Variants in RBM46 observed in about 807,000 individuals in gnomAD.
The protein encoded by RBM46 is probable RNA-binding protein 46.
In RBM46, 12 loss-of-function variants were observed where a neutral mutation model predicts 43.3. That is an observed-to-expected ratio of 0.28 (90% confidence interval 0.18 to 0.45). RBM46 has a LOEUF of 0.45. Ranked by LOEUF, RBM46 falls within the 20% of genes least tolerant of loss-of-function variation. RBM46 has a pLI of 1.00. For synonymous variants in RBM46, 205 were observed against 207.6 expected (o/e 0.99, Z 0.11); for missense variants, 412 against 639.1 (o/e 0.64, Z 3.83).
chr4:154,795,618 A>AT (rs927440061), intron 1 of RBM46, among the ~76,000 whole-genome samples: 1 of 151,962 alleles, frequency 6.6e-6, no homozygotes, highest in Admixed American at 6.6e-5. Context: ...TTTTAAACTT[A>AT]TTTTTTAGAA....
At chr4:154,784,464 G>GATTC (rs1733660857) in intron 1 of RBM46, among the ~76,000 whole-genome samples, 1 of 152,188 alleles carries the variant, frequency 6.6e-6, no homozygotes, top group Admixed American at 6.5e-5. Context: ...ATAAAGGCTT[G>GATTC]ATTCACATTG....
At chr4:154,801,321 G>A (rs1278963135) in intron 4 of RBM46, among the ~76,000 whole-genome samples, 1 of 152,164 alleles carries the variant, frequency 6.6e-6, no homozygotes, top group East Asian at 1.9e-4. Context: ...GGTTCTGCTT[G>A]AAGACACATT....
At chr4:154,819,173 T>C (rs1735607149) in intron 4 of RBM46, among the ~76,000 whole-genome samples, 1 of 152,224 alleles carries the variant, frequency 6.6e-6, no homozygotes, top group Non-Finnish European at 1.5e-5. Context: ...TATTTATTCA[T>C]AGAAGATTTA....
chr4:154,787,886 T>A (rs1459718459), intron 1 of RBM46, among the ~76,000 whole-genome samples: 2 of 152,236 alleles, frequency 1.3e-5, no homozygotes, highest in African/African-American at 4.8e-5. Context: ...CTAACTGGTA[T>A]GAGATGGTAT....
chr4:154,797,648 G>C (rs533340271), intron 2 of RBM46, among the ~76,000 whole-genome samples, 163 bp from the exon 3 acceptor site: 1 of 152,090 alleles, frequency 6.6e-6, no homozygotes, highest in Non-Finnish European at 1.5e-5. Flanking sequence ...TTGAATATTA[G>C]CTTCATAAGG....
intron 1 of RBM46, among the ~76,000 whole-genome samples, chr4:154,788,646 A>G (rs1733913427): frequency 6.6e-6 from 1 of 152,196 alleles, no homozygotes; most frequent in Admixed American, 6.5e-5. Flanking sequence ...CTTTTTGCTT[A>G]GGATTGTCTT....
intron 1 of RBM46, chr4:154,781,817 A>T (rs995277729): frequency 1.3e-5 from 2 of 152,314 alleles, no homozygotes; most frequent in Non-Finnish European, 2.9e-5. Context: ...TATTTTCCTG[A>T]CACGCTTACG....
chr4:154,818,169 T>C (rs755802358), intron 4 of RBM46, among the ~76,000 whole-genome samples: 1 of 152,160 alleles, frequency 6.6e-6, no homozygotes, highest in African/African-American at 2.4e-5. Context: ...GATTTACACA[T>C]TTATCATTTC....
intron 1 of RBM46, among the ~76,000 whole-genome samples, chr4:154,785,112 A>G (rs1733694786): frequency 6.6e-6 from 1 of 152,048 alleles, no homozygotes; most frequent in South Asian, 2.1e-4. Context: ...AAGAGAATAT[A>G]GGATTGGTGA....
intron 1 of RBM46, chr4:154,781,747 C>T (rs764745249): frequency 6.5e-6 from 1 of 152,990 alleles, no homozygotes; most frequent in African/African-American, 2.4e-5. Flanking sequence ...CGCTCTCCGC[C>T]TTATTTCCGC....
At position 154,797,975 on chromosome 4, in the gene RBM46, G is replaced by C; in HGVS notation, c.316G>C (p.Val106Leu). Reference protein sequence around the residue: ...FSGENRGYAFVMYTTKEEAQL... With the variant: ...FSGENRGYAFLMYTTKEEAQL... ...TGGTGAAAATCGAGGTTATGCTTTTGTGATGTACACTACAAAAGAAGAAGC... is the reference window on the plus strand; with the variant it reads ...TGGTGAAAATCGAGGTTATGCTTTTCTGATGTACACTACAAAAGAAGAAGC... The change falls in exon 3 of 5, where the codon GTG becomes CTG. Residue 106 changes from valine to leucine, a missense_variant. Coordinates refer to ENST00000281722, the MANE Select transcript of RBM46 (RefSeq NM_144979.5). The C allele has an allele frequency of 1.6e-5, 25 of 1,612,312 alleles. No individual in the cohort carries two copies. The highest frequency in any genetic ancestry group is 1.8e-5 in the Non-Finnish European group (21 of 1,179,584).
chr4:154,816,926 A>G (rs1735473658), intron 4 of RBM46, among the ~76,000 whole-genome samples: 1 of 152,062 alleles, frequency 6.6e-6, no homozygotes, highest in South Asian at 2.1e-4. Flanking sequence ...CTAGTTAATT[A>G]CATCATTTTT....
At chr4:154,816,636 C>T (rs1735457185) in intron 4 of RBM46, among the ~76,000 whole-genome samples, 1 of 151,912 alleles carries the variant, frequency 6.6e-6, no homozygotes, top group Non-Finnish European at 1.5e-5. Context: ...CTTTTATCAA[C>T]TAAATGTAAA....
chr4:154,823,394 A>T (rs1439533019), intron 4 of RBM46, among the ~76,000 whole-genome samples: 1 of 151,946 alleles, frequency 6.6e-6, no homozygotes, highest in Non-Finnish European at 1.5e-5. Flanking sequence ...AAGTGGATGG[A>T]TATGGTGGTA....
intron 4 of RBM46, among the ~76,000 whole-genome samples, chr4:154,813,577 G>A (rs156581): frequency 0.46 from 69,781 of 151,786 alleles, 16,571 homozygotes; most frequent in Admixed American, 0.59. Context: ...AATTCATTAT[G>A]TAATCCACAG....
At chr4:154,819,971 C>T (rs72959271) in intron 4 of RBM46, among the ~76,000 whole-genome samples, 15,628 of 152,026 alleles carry the variant, frequency 0.1, 1,692 homozygotes, top group African/African-American at 0.27. Flanking sequence ...ACACCTTATA[C>T]AACATTTCTA....
At position 154,818,131 on chromosome 4, in the gene RBM46, G is replaced by A. The variant is rs1036225127; in HGVS notation, c.1403-9737G>A. Among the ~76,000 whole-genome samples, 6 of 151,820 alleles carry A rather than the reference G, an allele frequency of 4.0e-5. 1 individual carries two copies. The South Asian group carries it at 8.3e-4, about 21-fold the overall frequency. ...ATAATAAAAACATCTAGTTATAATC[G>A]TTTTTATACTTAATATACATTGATA... On this transcript the variant is annotated intron_variant, in intron 4 of 4. Coordinates refer to ENST00000281722, the MANE Select transcript of RBM46 (RefSeq NM_144979.5).
chr4:154,801,338 G>GAACCTTATCTAATCTAA lies in RBM46; in HGVS notation c.1402+1774_1402+1775insAACCTTATCTAATCTAA, dbSNP rs1339091740. Among the ~76,000 whole-genome samples, 19 of 152,256 alleles carry GAACCTTATCTAATCTAA rather than the reference G, an allele frequency of 1.2e-4. No homozygotes were observed. In the East Asian group the frequency reaches 2.7e-3, roughly 22 times the overall value. On this transcript the variant is annotated intron_variant, in intron 4 of 4. Coordinates refer to ENST00000281722, the MANE Select transcript of RBM46 (RefSeq NM_144979.5). ...TTCTGCTTGAAGACACATTTAAGCA[G>GAACCTTATCTAATCTAA]TGTCTTCAATTATTAGTTTGGAGAT...
At chr4:154,786,850 C>A (rs1733796689) in intron 1 of RBM46, among the ~76,000 whole-genome samples, 2 of 152,152 alleles carry the variant, frequency 1.3e-5, no homozygotes, top group Admixed American at 1.3e-4. Context: ...TCGCTTGAAC[C>A]TGGGGGGTGG....
Sources: gnomAD v4.1 joint callset for allele counts (sites outside exome capture counted in the v4.1 genomes callset) on GRCh38, gnomAD v4.1.1 for gene constraint, MANE v1.5 for transcripts, NCBI Gene and HGNC (gene_info 2026-07-23, HGNC 2026-07-21) for gene names.